SMAD4: variants seen among roughly 807,000 people sequenced by gnomAD.
SMAD4 encodes the protein MAD homolog 4.
Under a neutral mutation model 63.2 loss-of-function variants are expected in SMAD4, and 7 were observed. The observed-to-expected ratio is 0.11, with a 90% CI of 0.06 to 0.21. SMAD4 has a LOEUF of 0.21. Ranked by LOEUF, SMAD4 falls within the 10% of genes least tolerant of loss-of-function variation. The pLI, the probability that SMAD4 is intolerant of heterozygous loss-of-function variation, is 1.00. For synonymous variants in SMAD4, 215 were observed against 235.4 expected (o/e 0.91, Z 0.79); for missense variants, 312 against 693.8 (o/e 0.45, Z 6.18).
rs1405260317 is a variant in SMAD4 at position 51,080,119 on chromosome 18, A to G, written c.*1652A>G. 4.3e-6 allele frequency: 1 copy of G among 232,568 alleles called. No individual in the cohort carries two copies. Among genetic ancestry groups the G allele is most frequent in the Non-Finnish European group, 8.5e-6 (1 of 117,718 alleles). 14.4% of individuals were successfully genotyped at this position (232,568 alleles called of 1,614,324 possible). ...ACTTTTGCCTGGAGAACTTTTAGCT[A>G]TAGAAACACTTGTGTGATGATAGTC... is the stretch of plus-strand genomic sequence containing the variant. On this transcript the variant is annotated 3_prime_UTR_variant, in exon 12 of 12. Coordinates refer to ENST00000342988, the MANE Select transcript of SMAD4 (RefSeq NM_005359.6).
At chr18:51,046,793 G>A (rs558186542) in intron 1 of SMAD4, 127 bp from the exon 2 acceptor site, 5 of 434,710 alleles carry the variant, frequency 1.2e-5, no homozygotes, top group Admixed American at 3.9e-5. Flanking sequence ...TCAACTCTGA[G>A]CATCAAATTT....
At chr18:51,036,238 A>G (rs989128381) in intron 1 of SMAD4, among the ~76,000 whole-genome samples, 5 of 152,142 alleles carry the variant, frequency 3.3e-5, no homozygotes, top group Non-Finnish European at 7.3e-5. Flanking sequence ...TAGGAATGCT[A>G]CCGAATATAT....
chr18:51,031,395 G>A (rs181464168), intron 1 of SMAD4, among the ~76,000 whole-genome samples: 36 of 152,260 alleles, frequency 2.4e-4, no homozygotes, highest in African/African-American at 8.7e-4. Flanking sequence ...GCTTTAAAAA[G>A]CCCTGTTGAA....
chr18:51,048,294 A>G, intron 2 of SMAD4, among the ~76,000 whole-genome samples: 1 of 152,156 alleles, frequency 6.6e-6, no homozygotes. Flanking sequence ...AGTAGCTAGG[A>G]CTACAGGCAC....
At chr18:51,054,294 C>G (rs1909783096) in intron 4 of SMAD4, 1 of 168,748 alleles carries the variant, frequency 5.9e-6, no homozygotes, top group Non-Finnish European at 1.3e-5. Flanking sequence ...AACAATAATT[C>G]TAGATCCTGG....
intron 10 of SMAD4, among the ~76,000 whole-genome samples, chr18:51,073,361 TTATATATATATA>T (rs35099364): frequency 9.0e-5 from 2 of 22,218 alleles, no homozygotes; most frequent in African/African-American, 1.9e-4. Flanking sequence ...CCAGATAACA[TTATATATATATA>T]TATATATATA....
At chr18:51,037,119 G>C (rs1235221110) in intron 1 of SMAD4, among the ~76,000 whole-genome samples, 1 of 152,218 alleles carries the variant, frequency 6.6e-6, no homozygotes, top group Non-Finnish European at 1.5e-5. Context: ...GGGAGACAGA[G>C]GTTGCAGTGA....
At chr18:51,060,019 T>G (rs1329552311) in intron 8 of SMAD4, 103 bp downstream of exon 8, 1 of 837,100 alleles carries the variant, frequency 1.2e-6, no homozygotes, top group Admixed American at 1.8e-5. Context: ...ACTTCTCAGA[T>G]GAGTACAATA....
At chr18:51,036,398 T>C (rs1037241851) in intron 1 of SMAD4, among the ~76,000 whole-genome samples, 26 of 152,198 alleles carry the variant, frequency 1.7e-4, no homozygotes, top group Admixed American at 1.2e-3. Context: ...GCATATGTTA[T>C]CAGTAGATGG....
Position 51,082,149 on chromosome 18 carries a change from A to G in SMAD4, c.*3682A>G, listed in dbSNP as rs1308714707. The G allele has an allele frequency of 4.3e-6, 1 of 230,134 alleles. No individual in the cohort carries two copies. Among genetic ancestry groups the G allele is most frequent in the Non-Finnish European group, 8.6e-6 (1 of 116,248 alleles). The allele number at this position is 230,134 out of a possible 1,614,324, so 14.3% of individuals were successfully genotyped here. ...GGTTACGGAGGTAAATGAGTATATGAAAGCAATTACCTCTAAAGCCAGTTA... is the reference window on the plus strand; with the variant it reads ...GGTTACGGAGGTAAATGAGTATATGGAAGCAATTACCTCTAAAGCCAGTTA... On this transcript the variant is annotated 3_prime_UTR_variant, in exon 12 of 12. Transcript: ENST00000342988.
chr18:51,066,971 T>C, intron 9 of SMAD4, 48 bp from the exon 10 acceptor site: 1 of 1,446,192 alleles, frequency 6.9e-7, no homozygotes, highest in African/African-American at 1.4e-5. Flanking sequence ...TAAAATTTAA[T>C]TTAAAATACT....
At chr18:51,061,351 C>G (rs1286785352) in intron 8 of SMAD4, among the ~76,000 whole-genome samples, 1 of 152,190 alleles carries the variant, frequency 6.6e-6, no homozygotes, top group Non-Finnish European at 1.5e-5. Context: ...TTCCCCCAAT[C>G]CCCCACTACC....
chr18:51,082,520 T>A lies in SMAD4; in HGVS notation c.*4053T>A, dbSNP rs1157921402. 1.3e-5 allele frequency: 3 copies of A among 228,750 alleles called. No homozygotes were observed. The highest frequency in any genetic ancestry group is 2.6e-5 in the Non-Finnish European group (3 of 115,306). 14.2% of individuals were successfully genotyped at this position (228,750 alleles called of 1,614,324 possible). ...TCACTGTGGAGTGAAATTTTCCACA[T>A]CATCCAGAATTGCCTTATTTAAGAA... is the stretch of plus-strand genomic sequence containing the variant. On this transcript the variant is annotated 3_prime_UTR_variant, in exon 12 of 12. Coordinates refer to ENST00000342988, the MANE Select transcript of SMAD4 (RefSeq NM_005359.6).
In SMAD4 at chr18:51,076,075, C is replaced by G. The variant is rs375695065; in HGVS notation, c.1309-563C>G. Among the ~76,000 whole-genome samples, 345 of 152,222 alleles carry G rather than the reference C, an allele frequency of 2.3e-3. 2 individuals carry two copies. The highest frequency in any genetic ancestry group is 8.1e-3 in the African/African-American group (336 of 41,536). On this transcript the variant is annotated intron_variant, in intron 10 of 11. Coordinates refer to ENST00000342988, the MANE Select transcript of SMAD4 (RefSeq NM_005359.6). ...AGTTACAATTTTATATTTGTTTGAT[C>G]TAGTCTTTTTGTTGTTGTTGTTTCT...
At chr18:51,075,040 C>T (rs1288955843) in intron 10 of SMAD4, among the ~76,000 whole-genome samples, 1 of 152,114 alleles carries the variant, frequency 6.6e-6, no homozygotes, top group Non-Finnish European at 1.5e-5. Flanking sequence ...TATTTTAGGA[C>T]CTAATAGTCC....
At chr18:51,040,395 G>T (rs964152032) in intron 1 of SMAD4, among the ~76,000 whole-genome samples, 3 of 150,178 alleles carry the variant, frequency 2.0e-5, no homozygotes. Context: ...CTGCACTCCA[G>T]CCTGGGCCAC....
chr18:51,048,550 T>C (rs1909613274), intron 2 of SMAD4, 136 bp from the exon 3 acceptor site: 1 of 782,812 alleles, frequency 1.3e-6, no homozygotes, highest in African/African-American at 1.7e-5. Context: ...AAGTTAGTTA[T>C]TGTGAATTTT....
rs1218958191 is a variant in SMAD4, at chr18:51,079,512, A to G, written c.*1045A>G. The G allele has an allele frequency of 4.3e-6, 1 of 233,304 alleles. No individual in the cohort carries two copies. Among genetic ancestry groups the G allele is most frequent in the Non-Finnish European group, 8.5e-6 (1 of 117,930 alleles). The allele number at this position is 233,304 out of a possible 1,614,324, so 14.5% of individuals were successfully genotyped here. A position where few individuals can be genotyped will look rare whatever the true frequency, so the allele number is the denominator to read the frequency against. On this transcript the variant is annotated 3_prime_UTR_variant, in exon 12 of 12. Coordinates refer to ENST00000342988, the MANE Select transcript of SMAD4 (RefSeq NM_005359.6). Reference sequence around the variant, plus strand: ...TTTGGATATTTTTGTACTTGATTTGATGTGACTTTTTTTGGTATAATGTTT... The same window carrying G: ...TTTGGATATTTTTGTACTTGATTTGGTGTGACTTTTTTTGGTATAATGTTT...
intron 8 of SMAD4, among the ~76,000 whole-genome samples, chr18:51,062,378 A>G (rs1409605222): frequency 6.6e-6 from 1 of 152,216 alleles, no homozygotes; most frequent in Non-Finnish European, 1.5e-5. Flanking sequence ...ATGGCATCCC[A>G]GAAACCCTCC....
Sources: allele counts gnomAD v4.1 joint callset (sites outside exome capture counted in the v4.1 genomes callset), GRCh38; gene constraint gnomAD v4.1.1; transcripts MANE v1.5; gene names NCBI Gene and HGNC (gene_info 2026-07-23, HGNC 2026-07-21).